The following DMRT1 variants were observed in gnomAD, a reference collection of about 807,000 sequenced individuals.
The protein encoded by DMRT1 is doublesex and mab-3 related transcription factor 1, also known as doublesex- and mab-3-related transcription factor 1.
Under a neutral mutation model 32.3 loss-of-function variants are expected in DMRT1, and 7 were observed. That is an observed-to-expected ratio of 0.22 (90% CI 0.12 to 0.41). The LOEUF is 0.41. Among genes scored for constraint, DMRT1 ranks in the 10% least tolerant of loss-of-function variants. The pLI is 1.00. For missense variants in DMRT1, 625 were observed against 500.5 expected (o/e 1.25, Z -2.37); for synonymous variants, 278 against 206.1 (o/e 1.35, Z -2.99).
At chr9:936,298 A>G (rs1436897117) in intron 4 of DMRT1, among the ~76,000 whole-genome samples, 1 of 152,232 alleles carries the variant, frequency 6.6e-6, no homozygotes, top group African/African-American at 2.4e-5. Flanking sequence ...GGACATAGAT[A>G]TTGCAGTTTT....
chr9:917,541 G>C (rs1230600667), intron 4 of DMRT1, among the ~76,000 whole-genome samples: 1 of 152,156 alleles, frequency 6.6e-6, no homozygotes, highest in African/African-American at 2.4e-5. Flanking sequence ...TCCAGATCCC[G>C]TGTTTAAGTT....
Position 896,102 on chromosome 9 carries a change from C to G in DMRT1, c.822+1907C>G, listed in dbSNP as rs535624226. 3.3e-5 allele frequency among the ~76,000 whole-genome samples: 5 copies of G among 151,780 alleles called. No individual in the cohort carries two copies. In the East Asian group the frequency reaches 9.7e-4, roughly 29 times the overall value. On this transcript the variant is annotated intron_variant, in intron 3 of 4. Transcript: ENST00000382276. ...ACAGGCATGAGCCACCACTCCCAGC[C>G]GTAATTGAAACTTTTTACCCTTTGC...
chr9:866,474 G>A (rs1395285636), intron 2 of DMRT1, among the ~76,000 whole-genome samples: 1 of 151,982 alleles, frequency 6.6e-6, no homozygotes, highest in Non-Finnish European at 1.5e-5. Context: ...TTACCCCGTT[G>A]TGGGGATAGT....
At chr9:885,143 G>A (rs112317445) in intron 2 of DMRT1, among the ~76,000 whole-genome samples, 16 of 152,300 alleles carry the variant, frequency 1.1e-4, no homozygotes, top group African/African-American at 3.4e-4. Context: ...TGGGCAGGCC[G>A]TGGGGCTCCG....
At chr9:845,938 T>C (rs534427114) in intron 1 of DMRT1, among the ~76,000 whole-genome samples, 63 of 152,328 alleles carry the variant, frequency 4.1e-4, no homozygotes, top group African/African-American at 1.4e-3. Flanking sequence ...GACTTTCTTC[T>C]GTAGGAGTGA....
chr9:851,067 G>A (rs1176930729), intron 2 of DMRT1, among the ~76,000 whole-genome samples: 1 of 150,324 alleles, frequency 6.7e-6, no homozygotes, highest in Non-Finnish European at 1.5e-5. Context: ...AGACGTGGAA[G>A]GCTACGATTT....
At chr9:925,787 G>A (rs1472255169) in intron 4 of DMRT1, among the ~76,000 whole-genome samples, 1 of 152,186 alleles carries the variant, frequency 6.6e-6, no homozygotes, top group African/African-American at 2.4e-5. Flanking sequence ...GACAGATGAG[G>A]ATATTGAAGC....
At chr9:895,475 C>T in intron 3 of DMRT1, among the ~76,000 whole-genome samples, 1 of 152,188 alleles carries the variant, frequency 6.6e-6, no homozygotes, top group Admixed American at 6.5e-5. Flanking sequence ...CGCAATGCCA[C>T]ATATATATTT....
chr9:894,251 G>A, intron 3 of DMRT1, 56 bp downstream of exon 3: 1 of 1,560,992 alleles, frequency 6.4e-7, no homozygotes, highest in African/African-American at 1.4e-5. Context: ...ACATGCATGT[G>A]CACACACATG....
At chr9:851,248 T>G (rs1391381545) in intron 2 of DMRT1, among the ~76,000 whole-genome samples, 4 of 152,098 alleles carry the variant, frequency 2.6e-5, no homozygotes, top group African/African-American at 9.7e-5. Context: ...ATTTATTTAT[T>G]TATTTTTTGA....
chr9:908,589 TG>T (rs1817862617), intron 3 of DMRT1, among the ~76,000 whole-genome samples: 1 of 152,216 alleles, frequency 6.6e-6, no homozygotes. Flanking sequence ...GTGAGTTGTT[TG>T]TTTTTTTATG....
intron 2 of DMRT1, among the ~76,000 whole-genome samples, chr9:877,156 T>C (rs1484350418): frequency 7.2e-5 from 11 of 152,240 alleles, no homozygotes; most frequent in Admixed American, 4.6e-4. Context: ...TCCCTGACTT[T>C]GGTAAAAATG....
chr9:852,819 G>A (rs549512890), intron 2 of DMRT1, among the ~76,000 whole-genome samples: 2 of 152,108 alleles, frequency 1.3e-5, no homozygotes, highest in Admixed American at 1.3e-4. Context: ...CCTTTCCCCT[G>A]TTAGAAGGAT....
chr9:959,824 A>G (rs1200529472), intron 4 of DMRT1, among the ~76,000 whole-genome samples: 2 of 152,152 alleles, frequency 1.3e-5, no homozygotes, highest in African/African-American at 2.4e-5. Flanking sequence ...CACCGCATCC[A>G]GCCACCTTAA....
At chr9:844,757 G>A (rs1196271862) in intron 1 of DMRT1, among the ~76,000 whole-genome samples, 2 of 123,304 alleles carry the variant, frequency 1.6e-5, no homozygotes, top group African/African-American at 3.2e-5. Context: ...GTCTCGCTCT[G>A]TCCCCCAGGC....
At chr9:890,085 G>T (rs867837522) in intron 2 of DMRT1, among the ~76,000 whole-genome samples, 2,509 of 102,948 alleles carry the variant, frequency 0.024, 51 homozygotes, top group African/African-American at 0.054. Flanking sequence ...CACCAAACGT[G>T]TTTTTTTTTT....
At chr9:863,213 G>A (rs576003898) in intron 2 of DMRT1, among the ~76,000 whole-genome samples, 3 of 151,076 alleles carry the variant, frequency 2.0e-5, no homozygotes, top group East Asian at 3.9e-4. Context: ...AGCTGCTTGC[G>A]AGGCTGAGGT....
At chr9:856,451 G>A (rs990886132) in intron 2 of DMRT1, among the ~76,000 whole-genome samples, 1 of 152,124 alleles carries the variant, frequency 6.6e-6, no homozygotes, top group Non-Finnish European at 1.5e-5. Context: ...CTACAGAGGT[G>A]TCTATTCTGG....
intron 4 of DMRT1, among the ~76,000 whole-genome samples, chr9:935,677 G>A (rs149289266): frequency 6.6e-5 from 10 of 152,246 alleles, no homozygotes; most frequent in East Asian, 3.9e-4. Flanking sequence ...AATCAGTGTC[G>A]GGTTTTGAAA....
Sources: gnomAD v4.1 joint callset for allele counts (sites outside exome capture counted in the v4.1 genomes callset) on GRCh38, gnomAD v4.1.1 for gene constraint, MANE v1.5 for transcripts, NCBI Gene and HGNC (gene_info 2026-07-23, HGNC 2026-07-21) for gene names.